The following ASPRV1 variants were observed in gnomAD, a reference collection of about 807,000 sequenced individuals.
The protein encoded by ASPRV1 is retroviral-like aspartic protease 1.
A neutral mutation model predicts 11.0 loss-of-function variants in ASPRV1; 7 were observed. The observed-to-expected ratio is 0.64, with a 90% CI of 0.36 to 1.20. ASPRV1 has a LOEUF of 1.20. Among genes scored for constraint, ASPRV1 ranks in the 50% most tolerant of loss-of-function variants. The pLI is 0.02. For synonymous variants in ASPRV1, 136 were observed against 138.4 expected, an observed-to-expected ratio of 0.98 and a Z score of 0.12; for missense variants, 299 against 320.0, an observed-to-expected ratio of 0.93 and a Z score of 0.50.
At chr2:70,042,170 T>C in the ASPRV1 span, among the ~76,000 whole-genome samples, 152,126 of 152,326 alleles carry the variant, frequency 1, 75,972 homozygotes, top group Middle Eastern at 1. Flanking sequence ...TGGAGTTTTA[T>C]AATGCATATT....
the ASPRV1 span, among the ~76,000 whole-genome samples, chr2:70,039,466 CA>C: frequency 6.6e-6 from 1 of 152,052 alleles, no homozygotes; most frequent in South Asian, 2.1e-4. Context: ...CATTTTCAGC[CA>C]AAACTTTAAG....
At chr2:70,037,237 G>T in the ASPRV1 span, among the ~76,000 whole-genome samples, 1 of 152,080 alleles carries the variant, frequency 6.6e-6, no homozygotes, top group Non-Finnish European at 1.5e-5. Flanking sequence ...TTCCAATTTT[G>T]GTGTAGATAA....
the ASPRV1 span, among the ~76,000 whole-genome samples, chr2:69,996,214 CAAAAAA>C: frequency 5.6e-5 from 3 of 53,890 alleles, no homozygotes; most frequent in Non-Finnish European, 9.5e-5. Context: ...CCCCATCTCT[CAAAAAA>C]AAAAAAAAAA....
At chr2:69,945,128 G>T in the ASPRV1 span, among the ~76,000 whole-genome samples, 2 of 152,230 alleles carry the variant, frequency 1.3e-5, no homozygotes, top group African/African-American at 2.4e-5. Context: ...TGTCGTCCCA[G>T]CTGCTCTGGA....
the ASPRV1 span, among the ~76,000 whole-genome samples, chr2:69,943,614 C>T: frequency 6.6e-6 from 1 of 152,222 alleles, no homozygotes; most frequent in Admixed American, 6.5e-5. Context: ...CCTTTACATA[C>T]TAACCCATCT....
the ASPRV1 span, among the ~76,000 whole-genome samples, chr2:70,072,625 G>C: frequency 6.6e-6 from 1 of 152,036 alleles, no homozygotes; most frequent in South Asian, 2.1e-4. Context: ...GGGAGGCTGA[G>C]GCAGGAGAAT....
At chr2:69,938,090 C>A in the ASPRV1 span, 13 of 1,613,060 alleles carry the variant, frequency 8.1e-6, no homozygotes, top group South Asian at 1.4e-4. Flanking sequence ...TCTTGTCCTC[C>A]CTGCAGAAGA....
the ASPRV1 span, among the ~76,000 whole-genome samples, chr2:69,969,104 C>T: frequency 6.6e-6 from 1 of 152,198 alleles, no homozygotes; most frequent in African/African-American, 2.4e-5. Flanking sequence ...GGTTGGTCCA[C>T]ACTCACAGGG....
the ASPRV1 span, among the ~76,000 whole-genome samples, chr2:70,079,259 A>G: frequency 6.6e-6 from 1 of 152,152 alleles, no homozygotes; most frequent in African/African-American, 2.4e-5. Flanking sequence ...AACGGCATTT[A>G]AAGTCTTGAT....
the ASPRV1 span, among the ~76,000 whole-genome samples, chr2:70,041,542 A>G: frequency 1.9e-3 from 283 of 152,350 alleles, 1 homozygote; most frequent in Non-Finnish European, 3.1e-3. Context: ...GAGAAAATTT[A>G]TGTCATACTC....
the ASPRV1 span, among the ~76,000 whole-genome samples, chr2:70,045,070 A>C: frequency 6.6e-6 from 1 of 152,196 alleles, no homozygotes; most frequent in African/African-American, 2.4e-5. Flanking sequence ...TATATATAGA[A>C]TCTAGTATTC....
the ASPRV1 span, among the ~76,000 whole-genome samples, chr2:70,053,230 G>T: frequency 6.6e-6 from 1 of 152,052 alleles, no homozygotes; most frequent in Non-Finnish European, 1.5e-5. Context: ...GGTAGCCAGG[G>T]TTCAGATCTA....
the ASPRV1 span, chr2:69,939,883 C>T: frequency 1.3e-5 from 2 of 152,540 alleles, no homozygotes; most frequent in Admixed American, 1.3e-4. Flanking sequence ...CCCCCAGCGC[C>T]TGCACCTCGC....
the ASPRV1 span, among the ~76,000 whole-genome samples, chr2:69,979,592 C>CA: frequency 6.6e-6 from 1 of 152,218 alleles, no homozygotes; most frequent in Non-Finnish European, 1.5e-5. Flanking sequence ...CAAAGGCCCC[C>CA]AAAATGGCCT....
At chr2:70,065,235 C>G in the ASPRV1 span, among the ~76,000 whole-genome samples, 1 of 151,342 alleles carries the variant, frequency 6.6e-6, no homozygotes, top group Non-Finnish European at 1.5e-5. Context: ...GGTGAAATCC[C>G]GTCTCTACTA....
the ASPRV1 span, among the ~76,000 whole-genome samples, chr2:70,002,860 T>A: frequency 1.3e-5 from 2 of 152,186 alleles, no homozygotes; most frequent in African/African-American, 4.8e-5. Flanking sequence ...CAGCTCCCCC[T>A]CGTCCTTCTG....
At chr2:70,078,718 A>G in the ASPRV1 span, among the ~76,000 whole-genome samples, 1 of 152,214 alleles carries the variant, frequency 6.6e-6, no homozygotes, top group African/African-American at 2.4e-5. Flanking sequence ...TGTGAATCCT[A>G]CATGGTCTTA....
At chr2:69,946,919 A>T in the ASPRV1 span, among the ~76,000 whole-genome samples, 1 of 152,326 alleles carries the variant, frequency 6.6e-6, no homozygotes, top group East Asian at 1.9e-4. Context: ...GAGAGACCAG[A>T]TCATACAGAG....
At chr2:70,013,929 GATTC>G in the ASPRV1 span, among the ~76,000 whole-genome samples, 2 of 152,116 alleles carry the variant, frequency 1.3e-5, no homozygotes, top group Non-Finnish European at 2.9e-5. Context: ...ACATGTAATG[GATTC>G]ATTGTTGTTA....
Sources: allele counts gnomAD v4.1 joint callset (sites outside exome capture counted in the v4.1 genomes callset), GRCh38; gene constraint gnomAD v4.1.1; transcripts MANE v1.5; gene names NCBI Gene and HGNC (gene_info 2026-07-23, HGNC 2026-07-21).